Variants in HESX1 observed in about 807,000 individuals in gnomAD.
HESX1 encodes the protein HESX homeobox 1.
A neutral mutation model predicts 22.5 loss-of-function variants in HESX1; 11 were observed. The observed-to-expected ratio is 0.49, with a 90% CI of 0.31 to 0.81. The LOEUF is 0.81. Among genes scored for constraint, HESX1 ranks in the 30% least tolerant of loss-of-function variants. HESX1 has a pLI of 0.05. For synonymous variants in HESX1, 74 were observed against 76.5 expected (o/e 0.97, Z 0.17); for missense variants, 201 against 212.6 (o/e 0.95, Z 0.34).
chr3:57,212,312 G>A (rs1008425033), intron 1 of HESX1, among the ~76,000 whole-genome samples: 4 of 152,074 alleles, frequency 2.6e-5, no homozygotes, highest in Non-Finnish European at 5.9e-5. Flanking sequence ...TATAATCCCA[G>A]CACTTTGGGA....
At chr3:57,204,333 G>A (rs2060507704), upstream of HESX1, among the ~76,000 whole-genome samples, 1 of 152,088 alleles carries the variant, frequency 6.6e-6, no homozygotes, top group Non-Finnish European at 1.5e-5. Context: ...TGAAGTTTTT[G>A]AGGTTATTAT....
chr3:57,200,395 T>C (rs1206350155), upstream of HESX1, among the ~76,000 whole-genome samples: 2 of 152,234 alleles, frequency 1.3e-5, no homozygotes, highest in East Asian at 3.8e-4. Flanking sequence ...TTAAGTAAAT[T>C]TTCTTCCAAG....
chr3:57,198,707 A>T, intron 2 of HESX1, 46 bp downstream of exon 2: 1 of 1,558,960 alleles, frequency 6.4e-7, no homozygotes, highest in Middle Eastern at 2.2e-4. Flanking sequence ...ACTTGGTGTC[A>T]ATTAAAGCCT....
chr3:57,203,525 G>A (rs958591655), upstream of HESX1, among the ~76,000 whole-genome samples: 34 of 152,060 alleles, frequency 2.2e-4, no homozygotes, highest in African/African-American at 7.5e-4. Context: ...AGTGATGTGA[G>A]CAGAAGCTCA....
intron 1 of HESX1, among the ~76,000 whole-genome samples, chr3:57,219,568 C>T (rs987166830): frequency 9.9e-5 from 15 of 152,052 alleles, no homozygotes; most frequent in African/African-American, 3.1e-4. Context: ...GGGGTTTCAC[C>T]GTGTCAGCCA....
At chr3:57,200,845 T>C (rs1237839095), upstream of HESX1, among the ~76,000 whole-genome samples, 1 of 152,196 alleles carries the variant, frequency 6.6e-6, no homozygotes, top group Non-Finnish European at 1.5e-5. Context: ...GGGCAGAGGA[T>C]GGAGTCTTTC....
In HESX1 at chr3:57,199,829, G is replaced by A. The variant is rs115448575; in HGVS notation, c.90C>T (p.Asp30=). The change falls in exon 1 of 4, where the codon GAC becomes GAT. Residue 30 remains aspartate (D), a synonymous_variant. Transcript: ENST00000295934. ...TTAATGGAACACAGTCTTTCTTCTG[G>A]TCCAGTCCTAAGATTCTCTCAATTG... The part of the protein sequence containing the change: ...SFSIERILGL[D]QKKDCVPLMK... 2.2e-4 allele frequency: 348 copies of A among 1,613,972 alleles called. No individual in the cohort carries two copies. In the African/African-American group the frequency reaches 4.5e-3, roughly 21 times the overall value.
chr3:57,203,689 G>C (rs1274639528), upstream of HESX1, among the ~76,000 whole-genome samples: 3 of 151,980 alleles, frequency 2.0e-5, no homozygotes, highest in East Asian at 5.8e-4. Flanking sequence ...CGAGTAGCTG[G>C]GACTACAGGT....
chr3:57,208,439 C>A (rs191360885), intron 1 of HESX1, among the ~76,000 whole-genome samples: 1 of 151,912 alleles, frequency 6.6e-6, no homozygotes, highest in Non-Finnish European at 1.5e-5. Flanking sequence ...CTCTGCCTCC[C>A]GGGTTCAAGC....
chr3:57,223,932 C>T (rs2060628360), intron 1 of HESX1, among the ~76,000 whole-genome samples: 1 of 152,124 alleles, frequency 6.6e-6, no homozygotes, highest in South Asian at 2.1e-4. Flanking sequence ...CATGTCCTCA[C>T]CATCCTTAGC....
At chr3:57,223,773 A>C (rs187869926) in intron 1 of HESX1, among the ~76,000 whole-genome samples, 168 of 152,350 alleles carry the variant, frequency 1.1e-3, no homozygotes, top group Non-Finnish European at 1.9e-3. Context: ...AGTCCTATTA[A>C]GGAGTGATTT....
intron 1 of HESX1, among the ~76,000 whole-genome samples, chr3:57,212,685 ACCCCATCTTACCTCC>A (rs1437905089): frequency 6.6e-6 from 1 of 152,072 alleles, no homozygotes; most frequent in African/African-American, 2.4e-5. Flanking sequence ...CTTTACTTTT[ACCCCATCTTACCTCC>A]CCAGCTTACT....
At chr3:57,216,296 T>G (rs1023829333) in intron 1 of HESX1, among the ~76,000 whole-genome samples, 29 of 152,174 alleles carry the variant, frequency 1.9e-4, no homozygotes, top group African/African-American at 6.5e-4. Context: ...GTCAGCTACT[T>G]TGTAGAATGT....
upstream of HESX1, among the ~76,000 whole-genome samples, chr3:57,202,727 TG>T (rs1426293001): frequency 6.6e-6 from 1 of 152,164 alleles, no homozygotes; most frequent in Admixed American, 6.5e-5. Flanking sequence ...GCTAATTTCA[TG>T]GCATGATAAA....
At chr3:57,212,931 A>G (rs2060563914) in intron 1 of HESX1, among the ~76,000 whole-genome samples, 1 of 151,952 alleles carries the variant, frequency 6.6e-6, no homozygotes, top group African/African-American at 2.4e-5. Context: ...TCCTAATGCT[A>G]TCCCTCCTCC....
intron 1 of HESX1, among the ~76,000 whole-genome samples, chr3:57,205,378 T>A (rs77572591): frequency 2.6e-5 from 4 of 152,146 alleles, no homozygotes; most frequent in African/African-American, 9.7e-5. Context: ...CACTTCAGCC[T>A]AGGACACAGA....
intron 1 of HESX1, among the ~76,000 whole-genome samples, chr3:57,208,101 G>A (rs929560469): frequency 1.3e-5 from 2 of 152,128 alleles, no homozygotes; most frequent in African/African-American, 4.8e-5. Context: ...TCTTCAGAAG[G>A]TGGGGGTGAT....
chr3:57,200,705 T>C (rs745678551), upstream of HESX1, among the ~76,000 whole-genome samples: 21 of 152,246 alleles, frequency 1.4e-4, no homozygotes, highest in Non-Finnish European at 2.4e-4. Context: ...GGTTCATATG[T>C]AATCACCTTC....
chr3:57,202,113 G>A (rs900999884), upstream of HESX1, among the ~76,000 whole-genome samples: 17 of 151,746 alleles, frequency 1.1e-4, no homozygotes, highest in Admixed American at 1.1e-3. Flanking sequence ...TAGAGACGAA[G>A]TTTCACCGTG....
Sources: gnomAD v4.1 joint callset for allele counts (sites outside exome capture counted in the v4.1 genomes callset) on GRCh38, gnomAD v4.1.1 for gene constraint, MANE v1.5 for transcripts, NCBI Gene and HGNC (gene_info 2026-07-23, HGNC 2026-07-21) for gene names.